Variants in MSI2 observed in about 807,000 individuals in gnomAD.
MSI2 encodes the protein RNA-binding protein Musashi homolog 2.
A neutral mutation model predicts 45.6 loss-of-function variants in MSI2; 17 were observed. The ratio of observed to expected loss-of-function variants is 0.37; its 90% CI spans 0.26 to 0.56. The LOEUF is 0.56. MSI2 is among the 20% of genes least tolerant of loss of function. The probability of loss-of-function intolerance (pLI) is 0.77; values close to 1 mark genes in which losing one functional copy is unlikely to be tolerated. For synonymous variants in MSI2, 156 were observed against 158.2 expected (o/e 0.99, Z 0.11); for missense variants, 293 against 444.2 (o/e 0.66, Z 3.06).
chr17:57,328,419 T>A (rs550485441), intron 5 of MSI2, among the ~76,000 whole-genome samples: 10 of 152,370 alleles, frequency 6.6e-5, no homozygotes, highest in African/African-American at 2.2e-4. Flanking sequence ...ATCTGGTGAA[T>A]TCTTTCTTTC....
the MSI2 span, among the ~76,000 whole-genome samples, chr17:57,699,148 GGAGAGAGA>G: frequency 6.1e-4 from 13 of 21,180 alleles, no homozygotes; most frequent in Admixed American, 1.3e-3. Context: ...GAAGAGGCGA[GGAGAGAGA>G]GAGAGAGAGA....
intron 11 of MSI2, among the ~76,000 whole-genome samples, chr17:57,669,519 G>A (rs1446920645): frequency 6.6e-6 from 1 of 152,200 alleles, no homozygotes; most frequent in Non-Finnish European, 1.5e-5. Context: ...CTACGACTAT[G>A]GAGTTTTAAA....
At chr17:57,270,831 G>T (rs537607980) in intron 5 of MSI2, among the ~76,000 whole-genome samples, 13 of 152,292 alleles carry the variant, frequency 8.5e-5, no homozygotes, top group Non-Finnish European at 1.6e-4. Flanking sequence ...CTCGTGGGTT[G>T]ATTAGCACTG....
chr17:57,678,583 C>G (rs1454070211), intron 13 of MSI2, among the ~76,000 whole-genome samples: 5 of 152,190 alleles, frequency 3.3e-5, no homozygotes, highest in South Asian at 2.1e-4. Context: ...TGCTCCCTCC[C>G]TCCCTCCCCT....
chr17:57,696,853 A>C, the MSI2 span, among the ~76,000 whole-genome samples: 1 of 152,080 alleles, frequency 6.6e-6, no homozygotes, highest in African/African-American at 2.4e-5. Flanking sequence ...TCCTTCACCC[A>C]GTCCTACCCA....
intron 6 of MSI2, among the ~76,000 whole-genome samples, chr17:57,421,935 A>G (rs2084404016): frequency 6.6e-6 from 1 of 152,200 alleles, no homozygotes; most frequent in Admixed American, 6.5e-5. Context: ...CCTGTCAGGT[A>G]GTTTATGCTG....
At chr17:57,632,405 C>T in intron 10 of MSI2, 1 of 1,066,124 alleles carries the variant, frequency 9.4e-7, no homozygotes, top group Non-Finnish European at 1.1e-6. Flanking sequence ...GGGCCAGTGG[C>T]TGTTGGCATA....
rs1907649154 is a variant in MSI2, at chr17:57,615,996, A to G, written c.564A>G (p.Lys188=). Residue 188 remains lysine (K), a synonymous_variant, in exon 9 of 14, where the codon AAA becomes AAG. Coordinates refer to ENST00000284073, the MANE Select transcript of MSI2 (RefSeq NM_138962.4). ...KMVECKKAQP[K]EVMFPPGTRG... ...TAGAATGTAAGAAAGCTCAGCCGAAAGAAGTCATGTTCCCACCTGGGACAA... is the reference window on the plus strand; with the variant it reads ...TAGAATGTAAGAAAGCTCAGCCGAAGGAAGTCATGTTCCCACCTGGGACAA... 1 of 1,614,076 alleles carries G rather than the reference A, an allele frequency of 6.2e-7. No individual in the cohort carries two copies. The highest frequency in any genetic ancestry group is 8.5e-7 in the Non-Finnish European group (1 of 1,180,010).
At chr17:57,694,671 C>T in the MSI2 span, among the ~76,000 whole-genome samples, 335 of 152,222 alleles carry the variant, frequency 2.2e-3, 1 homozygote, top group African/African-American at 7.6e-3. Context: ...CTAAACCTAT[C>T]ACAGATCTGT....
intron 5 of MSI2, among the ~76,000 whole-genome samples, chr17:57,284,330 C>T (rs1014478534): frequency 5.9e-5 from 9 of 152,236 alleles, no homozygotes; most frequent in Middle Eastern, 3.4e-3. Context: ...GCCATCCACC[C>T]CGCACCCGCC....
At chr17:57,353,201 G>C (rs984331681) in intron 5 of MSI2, among the ~76,000 whole-genome samples, 5 of 152,174 alleles carry the variant, frequency 3.3e-5, no homozygotes, top group Non-Finnish European at 5.9e-5. Flanking sequence ...CTCAAGTATA[G>C]CCTGGCCTCC....
chr17:57,270,767 T>C (rs182310340), intron 5 of MSI2, among the ~76,000 whole-genome samples: 1 of 152,324 alleles, frequency 6.6e-6, no homozygotes, highest in African/African-American at 2.4e-5. Context: ...CATCTGTTAC[T>C]GTCCCCGAAA....
At position 57,303,867 on chromosome 17, in the gene MSI2, A is replaced by G. The variant is rs145163243; in HGVS notation, c.312+41675A>G. Among the ~76,000 whole-genome samples the G allele has an allele frequency of 8.5e-3, 1,298 of 152,302 alleles. 12 individuals carry two copies. Among genetic ancestry groups the G allele is most frequent in the African/African-American group, 9.9e-3 (410 of 41,556 alleles). On this transcript the variant is annotated intron_variant, in intron 5 of 13. Coordinates refer to ENST00000284073, the MANE Select transcript of MSI2 (RefSeq NM_138962.4). The stretch of plus-strand genomic sequence containing the variant: ...TGTCGTGTGGTTAATTGTCAAAGGA[A>G]GTAGAAAACAGTACAGGCTCTTCCT...
chr17:57,268,510 T>C (rs1344653480), intron 5 of MSI2: 1 of 151,122 alleles, frequency 6.6e-6, no homozygotes, highest in Non-Finnish European at 1.5e-5. Context: ...ATCTTCTCCA[T>C]TGGACACAAG....
intron 5 of MSI2, among the ~76,000 whole-genome samples, chr17:57,293,738 A>T (rs1910680895): frequency 6.6e-6 from 1 of 151,396 alleles, no homozygotes; most frequent in African/African-American, 2.4e-5. Flanking sequence ...CTTCCCGAGT[A>T]GCTGGGGTTA....
At chr17:57,368,581 A>T (rs894826257) in intron 5 of MSI2, among the ~76,000 whole-genome samples, 8 of 152,302 alleles carry the variant, frequency 5.3e-5, no homozygotes, top group African/African-American at 1.9e-4. Context: ...AAAAAGTCTC[A>T]ATTTTGATTT....
At chr17:57,440,309 G>GT (rs1259665486) in intron 6 of MSI2, among the ~76,000 whole-genome samples, 2 of 152,092 alleles carry the variant, frequency 1.3e-5, no homozygotes, top group African/African-American at 4.8e-5. Flanking sequence ...ATAGCTTTGT[G>GT]TTTGTCATTC....
At chr17:57,506,657 G>A (rs1343633034) in intron 6 of MSI2, among the ~76,000 whole-genome samples, 1 of 152,170 alleles carries the variant, frequency 6.6e-6, no homozygotes. Context: ...GGGAGTGGAG[G>A]GGGCTCTGCC....
chr17:57,674,270 GGGAGGGGC>G (rs1913052021), intron 11 of MSI2, among the ~76,000 whole-genome samples: 1 of 150,448 alleles, frequency 6.6e-6, no homozygotes, highest in South Asian at 2.1e-4. Context: ...GTAGCCAGTG[GGGAGGGGC>G]GGGTGGTGGG....
Sources: gnomAD v4.1 joint callset for allele counts (sites outside exome capture counted in the v4.1 genomes callset) on GRCh38, gnomAD v4.1.1 for gene constraint, MANE v1.5 for transcripts, NCBI Gene and HGNC (gene_info 2026-07-23, HGNC 2026-07-21) for gene names.